LRP1B: variants seen among roughly 807,000 people sequenced by gnomAD.
LRP1B encodes low-density lipoprotein receptor-related protein 1B.
Under a neutral mutation model 556.6 loss-of-function variants are expected in LRP1B, and 217 were observed. The observed-to-expected ratio is 0.39, with a 90% CI of 0.35 to 0.44. LRP1B has a LOEUF of 0.44. Ranked by LOEUF, LRP1B falls within the 20% of genes least tolerant of loss-of-function variation. LRP1B has a pLI of 1.00. For missense variants in LRP1B, 5,053 were observed against 5,620.8 expected (o/e 0.90, Z 3.23); for synonymous variants, 2,047 against 1,865.8 (o/e 1.10, Z -2.50).
At chr2:142,094,761 T>C (rs1201162654) in intron 1 of LRP1B, among the ~76,000 whole-genome samples, 1 of 151,638 alleles carries the variant, frequency 6.6e-6, no homozygotes, top group African/African-American at 2.4e-5. Context: ...TATAACTAAA[T>C]ATAATAAATG....
At chr2:141,380,305 G>A (rs1295014750) in intron 3 of LRP1B, among the ~76,000 whole-genome samples, 3 of 151,918 alleles carry the variant, frequency 2.0e-5, no homozygotes, top group Non-Finnish European at 4.4e-5. Context: ...TTTTCCAGCT[G>A]CTGTCCAAGA....
chr2:141,657,354 A>T (rs1395792918), intron 2 of LRP1B, among the ~76,000 whole-genome samples: 1 of 152,110 alleles, frequency 6.6e-6, no homozygotes, highest in African/African-American at 2.4e-5. Flanking sequence ...TTCTTGATGA[A>T]GTCTTTCTTA....
rs371250949 is a variant in LRP1B, at chr2:141,648,050, C to T, written c.205+162229G>A. ...TCCTGTGAGACTTCTTATGTTGTCT[C>T]TCACTTGGAAGATGTTATGGTGAGA... is the stretch of plus-strand genomic sequence containing the variant. On this transcript the variant is annotated intron_variant, in intron 2 of 90. Coordinates refer to ENST00000389484, the MANE Select transcript of LRP1B (RefSeq NM_018557.3). Among the ~76,000 whole-genome samples the T allele has an allele frequency of 5.3e-5, 8 of 152,066 alleles. No individual in the cohort carries two copies. The East Asian group carries it at 9.7e-4, about 18-fold the overall frequency.
rs34839276 is a variant in LRP1B, at chr2:141,315,252, A to ATTTTT, written c.344-60616_344-60612dup. On this transcript the variant is annotated intron_variant, in intron 3 of 90. Coordinates refer to ENST00000389484, the MANE Select transcript of LRP1B (RefSeq NM_018557.3). ...TTGTGAGAATTAAAGAATGATTGTA[A>ATTTTT]TTTTTTTTTTTTTTTTTTTTTTTTT... Among the ~76,000 whole-genome samples, 317 of 77,170 alleles carry ATTTTT rather than the reference A, an allele frequency of 4.1e-3. 20 individuals carry two copies. Among genetic ancestry groups the ATTTTT allele is most frequent in the Middle Eastern group, 0.013 (1 of 78 alleles). The allele number at this position is 77,170 out of a possible 152,430, so 50.6% of individuals were successfully genotyped here. A position where few individuals can be genotyped will look rare whatever the true frequency, so the allele number is the denominator to read the frequency against.
intron 2 of LRP1B, among the ~76,000 whole-genome samples, chr2:141,579,804 A>T (rs1015742394): frequency 7.5e-6 from 1 of 133,398 alleles, no homozygotes; most frequent in Non-Finnish European, 1.5e-5. Flanking sequence ...GGTTCATGCC[A>T]TTCTCCTGCC....
chr2:141,959,393 C>A (rs981846851), intron 1 of LRP1B, among the ~76,000 whole-genome samples: 2 of 151,910 alleles, frequency 1.3e-5, no homozygotes, highest in Non-Finnish European at 2.9e-5. Flanking sequence ...AGCTTTGCTT[C>A]CACAACTACC....
chr2:142,052,830 T>C (rs1276548980), intron 1 of LRP1B, among the ~76,000 whole-genome samples: 1 of 152,162 alleles, frequency 6.6e-6, no homozygotes, highest in Non-Finnish European at 1.5e-5. Flanking sequence ...ATACATTTGT[T>C]GATGAGAATT....
intron 23 of LRP1B, among the ~76,000 whole-genome samples, chr2:140,897,652 A>G (rs545930300): frequency 4.1e-4 from 63 of 152,240 alleles, no homozygotes; most frequent in African/African-American, 1.4e-3. Context: ...CAGGCAGAGG[A>G]ATGTGGAAAG....
chr2:140,964,795 C>T (rs1696149710), intron 18 of LRP1B, among the ~76,000 whole-genome samples: 1 of 152,092 alleles, frequency 6.6e-6, no homozygotes, highest in Admixed American at 6.5e-5. Context: ...TGGAACAGCT[C>T]GTGTCCTCTG....
At chr2:141,328,329 T>G (rs1687505254) in intron 3 of LRP1B, among the ~76,000 whole-genome samples, 2 of 148,956 alleles carry the variant, frequency 1.3e-5, no homozygotes, top group African/African-American at 5.0e-5. Flanking sequence ...AGGAAGCCTA[T>G]CTTAATGAGT....
chr2:140,660,697 TTA>T (rs1032746692), intron 41 of LRP1B, among the ~76,000 whole-genome samples: 5 of 152,090 alleles, frequency 3.3e-5, no homozygotes, highest in African/African-American at 4.8e-5. Context: ...TTTCTTTGTT[TTA>T]TGTCTTTCAT....
intron 7 of LRP1B, among the ~76,000 whole-genome samples, chr2:141,163,076 C>G (rs958582287): frequency 6.6e-6 from 1 of 152,038 alleles, no homozygotes; most frequent in Admixed American, 6.6e-5. Flanking sequence ...CAGGGAGAAT[C>G]AAGCCTAAGT....
intron 36 of LRP1B, 149 bp downstream of exon 36, chr2:140,716,533 G>A (rs1308298229): frequency 1.7e-5 from 12 of 698,762 alleles, no homozygotes; most frequent in Middle Eastern, 2.5e-4. Context: ...TAGAAGGAGC[G>A]AAGCCAAAAG....
chr2:140,477,030 G>A (rs185078313), intron 59 of LRP1B, among the ~76,000 whole-genome samples: 10 of 152,032 alleles, frequency 6.6e-5, no homozygotes, highest in Middle Eastern at 6.8e-3. Flanking sequence ...AAGTGAATAC[G>A]TCAGTGAAAT....
chr2:141,545,675 C>T (rs1685525303), intron 2 of LRP1B, among the ~76,000 whole-genome samples: 1 of 151,994 alleles, frequency 6.6e-6, no homozygotes, highest in South Asian at 2.1e-4. Context: ...GAGAGCCAAT[C>T]TCTAAATAAT....
At chr2:140,671,650 T>G (rs1685489929) in intron 41 of LRP1B, among the ~76,000 whole-genome samples, 1 of 151,298 alleles carries the variant, frequency 6.6e-6, no homozygotes, top group Non-Finnish European at 1.5e-5. Flanking sequence ...CCTTAACATT[T>G]TTTTCTCTCT....
intron 3 of LRP1B, among the ~76,000 whole-genome samples, chr2:141,270,959 C>A (rs1333751980): frequency 6.6e-6 from 1 of 151,416 alleles, no homozygotes; most frequent in African/African-American, 2.4e-5. Context: ...TGTGTGTTAC[C>A]ACAATAAAAG....
intron 37 of LRP1B, among the ~76,000 whole-genome samples, chr2:140,706,617 A>G (rs11890215): frequency 0.2 from 30,786 of 152,046 alleles, 3,447 homozygotes; most frequent in African/African-American, 0.3. Flanking sequence ...GAGCAGGAAG[A>G]CAGTGCAATG....
In LRP1B at chr2:140,373,575, A is replaced by T. The variant is rs191506520; in HGVS notation, c.10639-438T>A. On this transcript the variant is annotated intron_variant, in intron 68 of 90. Coordinates refer to ENST00000389484, the MANE Select transcript of LRP1B (RefSeq NM_018557.3). Reference sequence around the variant, plus strand: ...CAGTAGATAGTTATAGGGTAATGGAATTTTAATAATTTTAGGTAATAATGA... The same window carrying T: ...CAGTAGATAGTTATAGGGTAATGGATTTTTAATAATTTTAGGTAATAATGA... 2.6e-3 allele frequency among the ~76,000 whole-genome samples: 389 copies of T among 152,258 alleles called. 2 individuals carry two copies. Among genetic ancestry groups the T allele is most frequent in the African/African-American group, 8.9e-3 (368 of 41,550 alleles).
Sources: allele counts gnomAD v4.1 joint callset (sites outside exome capture counted in the v4.1 genomes callset), GRCh38; gene constraint gnomAD v4.1.1; transcripts MANE v1.5; gene names NCBI Gene and HGNC (gene_info 2026-07-23, HGNC 2026-07-21).